The following GRID2 variants were observed in gnomAD, a reference collection of about 807,000 sequenced individuals.
GRID2 encodes the protein glutamate ionotropic receptor delta type subunit 2.
A neutral mutation model predicts 114.8 loss-of-function variants in GRID2; 33 were observed. That is an observed-to-expected ratio of 0.29 (90% CI 0.22 to 0.38). The LOEUF (loss-of-function observed/expected upper bound fraction) is 0.38, where lower values mean the gene tolerates loss of function less well. GRID2 is among the 10% of genes least tolerant of loss of function. The pLI is 1.00. For missense variants in GRID2, 1,184 were observed against 1,257.7 expected, an observed-to-expected ratio of 0.94 and a Z score of 0.89; for synonymous variants, 505 against 449.9, an observed-to-expected ratio of 1.12 and a Z score of -1.55.
intron 2 of GRID2, among the ~76,000 whole-genome samples, chr4:92,756,329 T>A (rs1737719589): frequency 6.6e-6 from 1 of 152,188 alleles, no homozygotes; most frequent in African/African-American, 2.4e-5. Context: ...ACATTTTCCT[T>A]ATCTTTTCAT....
intron 2 of GRID2, 84 bp downstream of exon 2, chr4:92,590,370 G>T: frequency 1.1e-6 from 1 of 948,362 alleles, no homozygotes; most frequent in South Asian, 1.6e-5. Context: ...ATTAAACATG[G>T]ACATCATTTT....
intron 2 of GRID2, among the ~76,000 whole-genome samples, chr4:92,930,420 C>A (rs1750138294): frequency 6.6e-6 from 1 of 150,874 alleles, no homozygotes. Flanking sequence ...TTTGCCTTGC[C>A]ATAAAAAATA....
At chr4:92,658,417 C>G (rs1035355949) in intron 2 of GRID2, among the ~76,000 whole-genome samples, 1 of 151,540 alleles carries the variant, frequency 6.6e-6, no homozygotes, top group African/African-American at 2.4e-5. Flanking sequence ...AACAGTGAAG[C>G]AAGAAAAAAG....
rs529233920 is a variant in GRID2 at position 93,772,187 on chromosome 4, C to G, written c.2713C>G (p.Leu905Val). 1.8e-5 allele frequency: 29 copies of G among 1,613,972 alleles called. No individual in the cohort carries two copies. Among genetic ancestry groups the G allele is most frequent in the Middle Eastern group, 3.3e-4 (2 of 6,062 alleles). ...CACCTCGTCAATTGATTTGACCCCT[C>G]TGGACATTGACACTTTGCCAACACG... ...FSTSSIDLTPLDIDTLPTRQA... is the reference protein window; with the variant it reads ...FSTSSIDLTPVDIDTLPTRQA... The change falls in exon 16 of 16, where the codon CTG becomes GTG. Residue 905 changes from leucine to valine, a missense_variant. By Grantham distance (32) the Leu-to-Val change is conservative. Around this residue, in one of 3 missense-constraint regions of GRID2, gnomAD observed 717 missense variants for 796.9 expected, o/e 0.90. Coordinates refer to ENST00000282020, the MANE Select transcript of GRID2 (RefSeq NM_001510.4).
chr4:93,026,234 T>C (rs145968859), intron 2 of GRID2, among the ~76,000 whole-genome samples: 112 of 152,002 alleles, frequency 7.4e-4, no homozygotes, highest in African/African-American at 2.6e-3. Context: ...ATTTCTGCTT[T>C]ATTCAAATGT....
chr4:93,317,789 G>A lies in GRID2; in HGVS notation c.1246-77818G>A, dbSNP rs552127825. Among the ~76,000 whole-genome samples, 265 of 151,436 alleles carry A rather than the reference G, an allele frequency of 1.7e-3. 2 individuals carry two copies. Among genetic ancestry groups the A allele is most frequent in the African/African-American group, 6.0e-3 (246 of 41,300 alleles). On this transcript the variant is annotated intron_variant, in intron 8 of 15. Transcript: ENST00000282020. The stretch of plus-strand genomic sequence containing the variant: ...TACCCTCTGGGTGGCATTTATTGCT[G>A]GTGTGTCAATCACCTTCTTATTTTA...
intron 14 of GRID2, among the ~76,000 whole-genome samples, chr4:93,627,045 T>G (rs1341068539): frequency 1.3e-5 from 2 of 152,202 alleles, no homozygotes; most frequent in Non-Finnish European, 2.9e-5. Flanking sequence ...CAATGGAAGA[T>G]TTTTAAATAT....
rs1373898729 is a variant in GRID2 at position 93,773,593 on chromosome 4, C to G, written c.*1095C>G. On this transcript the variant is annotated 3_prime_UTR_variant, in exon 16 of 16. Coordinates refer to ENST00000282020, the MANE Select transcript of GRID2 (RefSeq NM_001510.4). ...AAAAATGCTATTAGCTGAACCACATCCACAACAGCACATAGAGCTCTAGAA... is the reference window on the plus strand; with the variant it reads ...AAAAATGCTATTAGCTGAACCACATGCACAACAGCACATAGAGCTCTAGAA... 6.6e-6 allele frequency: 1 copy of G among 152,078 alleles called. No homozygotes were observed. Among genetic ancestry groups the G allele is most frequent in the Non-Finnish European group, 1.5e-5 (1 of 67,964 alleles). 9.4% of individuals were successfully genotyped at this position (152,078 alleles called of 1,614,324 possible).
chr4:92,968,772 A>G (rs1753318080), intron 2 of GRID2, among the ~76,000 whole-genome samples: 1 of 151,824 alleles, frequency 6.6e-6, no homozygotes. Context: ...AGCCCTAGGC[A>G]ACCACTAATC....
intron 10 of GRID2, among the ~76,000 whole-genome samples, chr4:93,446,138 A>T (rs1722071058): frequency 6.6e-6 from 1 of 151,970 alleles, no homozygotes. Context: ...TGCTGTTGTG[A>T]CTCAGTAGCA....
intron 8 of GRID2, among the ~76,000 whole-genome samples, chr4:93,261,176 G>A (rs1215446606): frequency 6.6e-6 from 1 of 151,816 alleles, no homozygotes; most frequent in East Asian, 1.9e-4. Flanking sequence ...CAATACTCAA[G>A]CTCGGTTCCC....
At chr4:93,184,143 G>A (rs1740167406) in intron 4 of GRID2, among the ~76,000 whole-genome samples, 1 of 152,092 alleles carries the variant, frequency 6.6e-6, no homozygotes, top group African/African-American at 2.4e-5. Context: ...TATTCCAGAT[G>A]GGAAAAACTG....
intron 1 of GRID2, among the ~76,000 whole-genome samples, chr4:92,508,142 T>C (rs758550322): frequency 6.6e-6 from 1 of 151,986 alleles, no homozygotes; most frequent in Non-Finnish European, 1.5e-5. Flanking sequence ...TCTTATTCTT[T>C]TTGTAAACAC....
intron 13 of GRID2, among the ~76,000 whole-genome samples, chr4:93,549,683 G>C (rs1165093145): frequency 1.3e-5 from 2 of 152,122 alleles, no homozygotes; most frequent in Non-Finnish European, 2.9e-5. Flanking sequence ...TCCAAGGCAT[G>C]TTTTATCACA....
intron 14 of GRID2, among the ~76,000 whole-genome samples, chr4:93,750,464 G>C (rs1732223770): frequency 6.6e-6 from 1 of 152,162 alleles, no homozygotes; most frequent in Admixed American, 6.5e-5. Context: ...GGAAATAAAA[G>C]GCTTTCTGTT....
In GRID2 at chr4:93,241,803, A is replaced by T. The variant is rs1484228251; in HGVS notation, c.1245+3313A>T. 1.2e-4 allele frequency among the ~76,000 whole-genome samples: 14 copies of T among 116,850 alleles called. No homozygotes were observed. In the East Asian group the frequency reaches 1.8e-3, roughly 15 times the overall value. The allele number at this position is 116,850 out of a possible 152,430, so 76.7% of individuals were successfully genotyped here. Reference sequence around the variant, plus strand: ...GTTTAAATAGCAACAGTAGAAAAGTAAAAAAAAAAAAAAAGTGAGTATGTT... The same window carrying T: ...GTTTAAATAGCAACAGTAGAAAAGTTAAAAAAAAAAAAAAGTGAGTATGTT... On this transcript the variant is annotated intron_variant, in intron 8 of 15. Transcript: ENST00000282020.
At chr4:93,057,242 G>A (rs1433005721) in intron 2 of GRID2, among the ~76,000 whole-genome samples, 3 of 151,460 alleles carry the variant, frequency 2.0e-5, no homozygotes, top group Non-Finnish European at 4.4e-5. Flanking sequence ...TGTCAATTAC[G>A]ACTTCCCAAT....
At chr4:92,518,119 CTT>C (rs1258259302) in intron 1 of GRID2, among the ~76,000 whole-genome samples, 1 of 151,834 alleles carries the variant, frequency 6.6e-6, no homozygotes, top group African/African-American at 2.4e-5. Flanking sequence ...TCTTCTCTCT[CTT>C]TCTCTCTCCC....
intron 1 of GRID2, among the ~76,000 whole-genome samples, chr4:92,489,881 A>T (rs1723073305): frequency 6.6e-6 from 1 of 151,858 alleles, no homozygotes. Context: ...TTTCACTTAG[A>T]GTAAAAGATG....
Sources: gnomAD v4.1 joint callset for allele counts (sites outside exome capture counted in the v4.1 genomes callset) on GRCh38, gnomAD v4.1.1 for gene constraint, gnomAD v4.1.1 regional missense constraint, MANE v1.5 for transcripts, NCBI Gene and HGNC (gene_info 2026-07-23, HGNC 2026-07-21) for gene names.